The following EXOC7 variants were observed in gnomAD, a reference collection of about 807,000 sequenced individuals.
EXOC7 encodes the protein exocyst complex component Exo70.
A neutral mutation model predicts 87.6 loss-of-function variants in EXOC7; 51 were observed. The observed-to-expected ratio is 0.58, with a 90% CI of 0.46 to 0.73. The LOEUF is 0.73. EXOC7 is among the 30% of genes least tolerant of loss of function. The pLI is 0.00. For missense variants in EXOC7, 744 were observed against 888.4 expected (o/e 0.84, Z 2.07); for synonymous variants, 327 against 357.1 (o/e 0.92, Z 0.95).
intron 12 of EXOC7, chr17:76,087,008 C>G: frequency 1.2e-6 from 1 of 841,986 alleles, no homozygotes. Context: ...ATTAAGCAGA[C>G]CTCTCCCCAC....
intron 6 of EXOC7, chr17:76,094,169 T>C: frequency 2.3e-6 from 1 of 439,710 alleles, no homozygotes; most frequent in East Asian, 3.8e-5. Flanking sequence ...AGCACCTGTG[T>C]TACTCCCCTA....
In EXOC7 at chr17:76,081,492, G is replaced by A. The variant is rs964729027; in HGVS notation, c.*2156C>T. 87 of 1,609,778 alleles carry A rather than the reference G, an allele frequency of 5.4e-5. 1 individual carries two copies. The highest frequency in any genetic ancestry group is 3.3e-4 in the South Asian group (30 of 90,908). On this transcript the variant is annotated 3_prime_UTR_variant, in exon 19 of 19. Coordinates refer to ENST00000589210, the MANE Select transcript of EXOC7 (RefSeq NM_001013839.4). ...GCCAGAGGCCAGGCCCCATGCCCCCGATGCCCACCTCCTTCCCCCCCGCCG... is the reference window on the plus strand; with the variant it reads ...GCCAGAGGCCAGGCCCCATGCCCCCAATGCCCACCTCCTTCCCCCCCGCCG...
intron 4 of EXOC7, among the ~76,000 whole-genome samples, chr17:76,099,222 C>T (rs969238501): frequency 6.6e-6 from 1 of 152,034 alleles, no homozygotes; most frequent in Non-Finnish European, 1.5e-5. Context: ...AAAATGTGGT[C>T]TGGCTGGGCA....
At position 76,084,538 on chromosome 17, in the gene EXOC7, A is replaced by G. The variant is rs142836514; in HGVS notation, c.1755T>C (p.Pro585=). 22 of 1,613,848 alleles carry G rather than the reference A, an allele frequency of 1.4e-5. No individual in the cohort carries two copies. In the African/African-American group the frequency reaches 2.7e-4, roughly 20 times the overall value. Reference sequence around the variant, plus strand: ...CCACCTTGACTCCCGGCTGGAACACAGGTAGATTCTTCTCTGCGATGTAAT... The same window carrying G: ...CCACCTTGACTCCCGGCTGGAACACGGGTAGATTCTTCTCTGCGATGTAAT... ...VTDYIAEKNL[P]VFQPGVKLRD... is the part of the protein sequence containing the mutation. Residue 585 remains proline, a synonymous_variant, in exon 16 of 19, where the codon CCT becomes CCC. Coordinates refer to ENST00000589210, the MANE Select transcript of EXOC7 (RefSeq NM_001013839.4).
At position 76,101,278 on chromosome 17, in the gene EXOC7, T is replaced by C; in HGVS notation, c.410A>G (p.Asn137Ser). Residue 137 changes from asparagine (N) to serine (S), a missense_variant, in exon 4 of 19, where the codon AAC becomes AGC. By Grantham distance (46) the Asn-to-Ser change is conservative (BLOSUM62 1). Transcript: ENST00000589210. ...QDNSPDSPELNKVKLLFERGK... is the reference protein window; with the variant it reads ...QDNSPDSPELSKVKLLFERGK... ...ATTCTGCGGACCCCTTACCACTTTG[T>C]TGAGTTCCGGGCTGTCTGGGCTGTT... The C allele has an allele frequency of 6.2e-7, 1 of 1,614,054 alleles. No homozygotes were observed. The highest frequency in any genetic ancestry group is 8.5e-7 in the Non-Finnish European group (1 of 1,180,024).
At chr17:76,089,484 G>A (rs562045305) in intron 7 of EXOC7, 164 bp from the exon 8 acceptor site, 15 of 825,662 alleles carry the variant, frequency 1.8e-5, no homozygotes, top group East Asian at 1.3e-4. Flanking sequence ...AGCAGGCCCC[G>A]CCAGGTTCGA....
chr17:76,100,669 C>T (rs1291407220), intron 4 of EXOC7, among the ~76,000 whole-genome samples: 2 of 151,676 alleles, frequency 1.3e-5, no homozygotes, highest in Admixed American at 1.3e-4. Flanking sequence ...TATTTTTAAC[C>T]AAAATAAAGG....
intron 6 of EXOC7, 158 bp downstream of exon 6, chr17:76,094,256 G>C: frequency 1.4e-6 from 1 of 710,924 alleles, no homozygotes; most frequent in South Asian, 2.2e-5. Flanking sequence ...TCACTGGGTG[G>C]GTAGACACTT....
In EXOC7 at chr17:76,081,200, G is replaced by C. The variant is rs778258389; in HGVS notation, c.*2448C>G. 13 of 1,584,670 alleles carry C rather than the reference G, an allele frequency of 8.2e-6. No homozygotes were observed. Among genetic ancestry groups the C allele is most frequent in the Non-Finnish European group, 1.1e-5 (13 of 1,164,966 alleles). ...CCATCAAAAGTCTCCATCACCCCTGGGCTCCAGTCTGCTACCCCCAGACTT... is the reference window on the plus strand; with the variant it reads ...CCATCAAAAGTCTCCATCACCCCTGCGCTCCAGTCTGCTACCCCCAGACTT... On this transcript the variant is annotated 3_prime_UTR_variant, in exon 19 of 19. Transcript: ENST00000589210.
intron 7 of EXOC7, chr17:76,090,540 C>G: frequency 6.6e-7 from 1 of 1,505,154 alleles, no homozygotes; most frequent in Non-Finnish European, 9.0e-7. Flanking sequence ...CGGAGAGGGC[C>G]CTGAGCCCCT....
intron 12 of EXOC7, chr17:76,087,388 C>T (rs2067259123): frequency 1.9e-6 from 1 of 531,596 alleles, no homozygotes. Flanking sequence ...TCCAACCAAC[C>T]AGCACCGCTC....
rs977085276 is a variant in EXOC7 at position 76,083,388 on chromosome 17, G to C, written c.*260C>G. On this transcript the variant is annotated 3_prime_UTR_variant, in exon 19 of 19. Coordinates refer to ENST00000589210, the MANE Select transcript of EXOC7 (RefSeq NM_001013839.4). ...CTTCCTTCTCTCTTTTCCTGTTTCA[G>C]AAGCCATCAGGGTCATAAAAGCCAA... 2.1e-6 allele frequency: 1 copy of C among 487,102 alleles called. No homozygotes were observed. Among genetic ancestry groups the C allele is most frequent in the African/African-American group, 2.0e-5 (1 of 51,134 alleles). 30.2% of individuals were successfully genotyped at this position (487,102 alleles called of 1,614,324 possible).
At chr17:76,088,236 C>T in intron 10 of EXOC7, 114 bp from the exon 11 acceptor site, 1 of 1,176,400 alleles carries the variant, frequency 8.5e-7, no homozygotes, top group Non-Finnish European at 1.2e-6. Flanking sequence ...ACCTCTCAGG[C>T]ACAAAGGCTG....
Position 76,094,486 on chromosome 17 carries a change from C to G in EXOC7, c.736G>C (p.Gly246Arg). ...EHFHKSSSSS[G>R]VPYSPAIPNK... ...GGGATAGCAGGGGAGTAGGGAACCC[C>G]AGAGGAAGAACTGCTCTTATGGAAA... The change falls in exon 6 of 19, where the codon GGG (glycine) becomes CGG (arginine). Residue 246 changes from glycine (G) to arginine (R), a missense_variant. Transcript: ENST00000589210. 6.2e-7 allele frequency: 1 copy of G among 1,614,130 alleles called. No homozygotes were observed. Among genetic ancestry groups the G allele is most frequent in the Non-Finnish European group, 8.5e-7 (1 of 1,180,028 alleles).
rs369781147 is a variant in EXOC7 at position 76,081,737 on chromosome 17, T to C, written c.*1911A>G. 13 of 1,614,018 alleles carry C rather than the reference T, an allele frequency of 8.1e-6. No homozygotes were observed. The highest frequency in any genetic ancestry group is 1.1e-5 in the Non-Finnish European group (13 of 1,179,964). On this transcript the variant is annotated 3_prime_UTR_variant, in exon 19 of 19. Transcript: ENST00000589210. The stretch of plus-strand genomic sequence containing the variant: ...GGTGCAGGCCCTGCCCAGCTCCTCC[T>C]CCTGCAACCCACTGCTCAGTAAGCC...
At chr17:76,090,194 G>A (rs1410319484) in intron 7 of EXOC7, 1 of 981,722 alleles carries the variant, frequency 1.0e-6, no homozygotes, top group Non-Finnish European at 1.5e-6. Context: ...GAGAGAGAGT[G>A]GAGAGAGAGG....
At chr17:76,098,202 T>G in intron 4 of EXOC7, 184 bp from the exon 5 acceptor site, 1 of 569,484 alleles carries the variant, frequency 1.8e-6, no homozygotes, top group Non-Finnish European at 3.1e-6. Context: ...AGTGACACAA[T>G]CTTGGCTCAC....
chr17:76,085,416 C>A lies in EXOC7; in HGVS notation c.1617-7G>T, dbSNP rs772114006. 6.2e-7 allele frequency: 1 copy of A among 1,606,546 alleles called. No individual in the cohort carries two copies. Among genetic ancestry groups the A allele is most frequent in the Non-Finnish European group, 8.5e-7 (1 of 1,177,730 alleles). On this transcript the variant is annotated splice_polypyrimidine_tract_variant and splice_region_variant and intron_variant, in intron 14 of 18. Transcript: ENST00000589210. ...CAGCTGGATCAGTTCAGACCTGGGT[C>A]GGGGTAGGGGACAGAGGAGAGGAGG... is the stretch of plus-strand genomic sequence containing the variant.
intron 14 of EXOC7, 116 bp from the exon 15 acceptor site, chr17:76,085,525 C>CCAA: frequency 1.3e-6 from 2 of 1,503,536 alleles, no homozygotes; most frequent in Non-Finnish European, 1.8e-6. Flanking sequence ...AGCTCTATGG[C>CCAA]ATCCCACCTT....
Sources: allele counts gnomAD v4.1 joint callset (sites outside exome capture counted in the v4.1 genomes callset), GRCh38; gene constraint gnomAD v4.1.1; transcripts MANE v1.5; gene names NCBI Gene and HGNC (gene_info 2026-07-23, HGNC 2026-07-21).